CDH18: variants seen among roughly 807,000 people sequenced by gnomAD.
The protein encoded by CDH18 is cadherin-18.
In CDH18, 31 loss-of-function variants were observed where a neutral mutation model predicts 67.9. The observed-to-expected ratio is 0.46, with a 90% CI of 0.34 to 0.62. CDH18 has a LOEUF of 0.62. Among genes scored for constraint, CDH18 ranks in the 20% least tolerant of loss-of-function variants. The pLI, the probability that CDH18 is intolerant of heterozygous loss-of-function variation, is 0.01. For synonymous variants in CDH18, 362 were observed against 347.2 expected (o/e 1.04, Z -0.48); for missense variants, 890 against 975.5 (o/e 0.91, Z 1.17).
intron 11 of CDH18, among the ~76,000 whole-genome samples, chr5:19,485,779 C>A (rs954645606): frequency 9.9e-5 from 15 of 152,122 alleles, no homozygotes; most frequent in African/African-American, 3.6e-4. Context: ...GTTTGACAAT[C>A]TTACAGCTGC....
chr5:19,743,144 C>T (rs1480102965), intron 4 of CDH18, among the ~76,000 whole-genome samples: 1 of 152,136 alleles, frequency 6.6e-6, no homozygotes, highest in African/African-American at 2.4e-5. Context: ...CTTAGTATCA[C>T]AGAAGGGAAG....
chr5:19,937,809 CA>C (rs1461055387), intron 2 of CDH18, among the ~76,000 whole-genome samples: 1 of 150,664 alleles, frequency 6.6e-6, no homozygotes, highest in Non-Finnish European at 1.5e-5. Context: ...TAGAGAGAGA[CA>C]TTTTTAGAAA....
intron 3 of CDH18, among the ~76,000 whole-genome samples, chr5:19,788,015 CTTTCTT>C: frequency 2.0e-5 from 3 of 152,022 alleles, no homozygotes; most frequent in Middle Eastern, 6.8e-3. Flanking sequence ...TTCTCTTTCT[CTTTCTT>C]ACTTTGTTGG....
chr5:20,270,217 T>C lies in CDH18; in HGVS notation c.-579-14712A>G, dbSNP rs138197168. On this transcript the variant is annotated intron_variant, in intron 1 of 14. Transcript: ENST00000507958. ...TTGCAATGTGAATCTTGATAGGATA[T>C]TGAGTAATAGAAACAGCTAGCTATA... 5.7e-4 allele frequency among the ~76,000 whole-genome samples: 86 copies of C among 152,048 alleles called. No individual in the cohort carries two copies. In the South Asian group the frequency reaches 0.016, roughly 28 times the overall value.
chr5:20,357,379 A>G (rs1486085380), intron 1 of CDH18, among the ~76,000 whole-genome samples: 1 of 152,308 alleles, frequency 6.6e-6, no homozygotes, highest in East Asian at 1.9e-4. Context: ...AAATCAACAC[A>G]CACATAAGCC....
intron 11 of CDH18, among the ~76,000 whole-genome samples, chr5:19,485,895 GC>G (rs1740322441): frequency 2.8e-5 from 4 of 144,052 alleles, no homozygotes; most frequent in East Asian, 4.2e-4. Flanking sequence ...CTCTTTCATG[GC>G]TCAGGCCTAG....
intron 7 of CDH18, among the ~76,000 whole-genome samples, chr5:19,578,233 TTTTC>T (rs1742643571): frequency 6.6e-6 from 1 of 152,194 alleles, no homozygotes; most frequent in Non-Finnish European, 1.5e-5. Flanking sequence ...ATAGTAGAAA[TTTTC>T]TTTCTTTTCA....
intron 2 of CDH18, among the ~76,000 whole-genome samples, chr5:19,856,828 A>G (rs942504388): frequency 6.6e-6 from 1 of 152,134 alleles, no homozygotes; most frequent in African/African-American, 2.4e-5. Flanking sequence ...TGTTTCGGCC[A>G]CCCACTCTTT....
At chr5:20,392,530 G>A (rs1217379126) in intron 1 of CDH18, among the ~76,000 whole-genome samples, 1 of 151,718 alleles carries the variant, frequency 6.6e-6, no homozygotes, top group Non-Finnish European at 1.5e-5. Context: ...ACTATTCAGT[G>A]CATAAATGAA....
At chr5:20,025,672 A>G (rs1435278617) in intron 2 of CDH18, among the ~76,000 whole-genome samples, 1 of 152,214 alleles carries the variant, frequency 6.6e-6, no homozygotes, top group African/African-American at 2.4e-5. Flanking sequence ...ACAGAATAAC[A>G]TCTGGCAAAA....
At chr5:20,189,711 A>G (rs17224851) in intron 2 of CDH18, among the ~76,000 whole-genome samples, 8,746 of 152,178 alleles carry the variant, frequency 0.057, 336 homozygotes, top group Non-Finnish European at 0.084. Context: ...CCTAAGTCCA[A>G]TTTATACTAC....
chr5:20,161,588 T>C (rs562807371), intron 2 of CDH18, among the ~76,000 whole-genome samples: 2 of 152,334 alleles, frequency 1.3e-5, no homozygotes, highest in South Asian at 4.1e-4. Context: ...TTATCTCTTT[T>C]TGTTCCTATA....
chr5:19,833,209 G>A (rs1027276326), intron 3 of CDH18, among the ~76,000 whole-genome samples: 14 of 151,930 alleles, frequency 9.2e-5, no homozygotes, highest in African/African-American at 3.4e-4. Flanking sequence ...CTTGAGCAGT[G>A]GTTTTTAGTT....
At chr5:20,007,119 C>T (rs1210109535) in intron 2 of CDH18, among the ~76,000 whole-genome samples, 2 of 151,550 alleles carry the variant, frequency 1.3e-5, no homozygotes, top group Non-Finnish European at 2.9e-5. Context: ...ATCAAATACG[C>T]TTTGAATATA....
At chr5:19,943,542 C>T (rs1417962214) in intron 2 of CDH18, among the ~76,000 whole-genome samples, 2 of 152,064 alleles carry the variant, frequency 1.3e-5, no homozygotes, top group African/African-American at 4.8e-5. Context: ...GTCCTCTGAT[C>T]CATCATCTGC....
intron 2 of CDH18, among the ~76,000 whole-genome samples, chr5:20,037,089 T>C (rs1385564431): frequency 6.6e-6 from 1 of 152,130 alleles, no homozygotes; most frequent in African/African-American, 2.4e-5. Flanking sequence ...CTGTGTCTTT[T>C]AATTGGAGCA....
chr5:19,926,992 C>G (rs961667189), intron 2 of CDH18, among the ~76,000 whole-genome samples: 2 of 151,966 alleles, frequency 1.3e-5, no homozygotes, highest in East Asian at 3.9e-4. Context: ...AAAAAATAAG[C>G]GTTAAAGAAT....
intron 2 of CDH18, among the ~76,000 whole-genome samples, chr5:20,147,283 T>A (rs1483577236): frequency 6.6e-6 from 1 of 152,138 alleles, no homozygotes; most frequent in Non-Finnish European, 1.5e-5. Flanking sequence ...CTGCTTGGAA[T>A]TTTTAACATA....
chr5:20,191,321 C>T (rs1275978462), intron 2 of CDH18, among the ~76,000 whole-genome samples: 1 of 152,060 alleles, frequency 6.6e-6, no homozygotes, highest in East Asian at 1.9e-4. Context: ...CCTGCTTCTC[C>T]TTCAGCTGGG....
Sources: gnomAD v4.1 joint callset for allele counts (sites outside exome capture counted in the v4.1 genomes callset) on GRCh38, gnomAD v4.1.1 for gene constraint, MANE v1.5 for transcripts, NCBI Gene and HGNC (gene_info 2026-07-23, HGNC 2026-07-21) for gene names.